Variants in FBXO44 observed in about 807,000 individuals in gnomAD.
FBXO44 encodes the protein F-box only protein 44.
FBXO44 carries 25 observed loss-of-function variants against 33.5 expected under a neutral mutation model. That is an observed-to-expected ratio of 0.75 (90% CI 0.54 to 1.04). FBXO44 has a LOEUF of 1.04. Ranked by LOEUF, FBXO44 falls within the 50% of genes least tolerant of loss-of-function variation. The pLI, the probability that FBXO44 is intolerant of heterozygous loss-of-function variation, is 0.00. For synonymous variants in FBXO44, 147 were observed against 152.8 expected, an observed-to-expected ratio of 0.96 and a Z score of 0.28; for missense variants, 311 against 344.0, an observed-to-expected ratio of 0.90 and a Z score of 0.76.
Position 11,658,828 on chromosome 1 carries a change from A to G in FBXO44, c.581A>G (p.Asp194Gly). The G allele has an allele frequency of 1.2e-6, 2 of 1,612,456 alleles. No individual in the cohort carries two copies. The highest frequency in any genetic ancestry group is 1.7e-6 in the Non-Finnish European group (2 of 1,179,986). ...AHAPLGTFQP[D>G]PATIQQKSDA... ...GCGCCTCTGGGGACCTTCCAGCCAG[A>G]CCCGGCGACCATCCAGCAGAAGAGC... The change falls in exon 5 of 6, where the codon GAC (aspartate) becomes GGC (glycine). Residue 194 changes from aspartate (D) to glycine (G), a missense_variant. Transcript: ENST00000251547.
rs1480718296 is a variant in FBXO44, at chr1:11,656,066, G to C, written c.231G>C (p.Leu77=). 2 of 1,614,038 alleles carry C rather than the reference G, an allele frequency of 1.2e-6. No individual in the cohort carries two copies. Among genetic ancestry groups the C allele is most frequent in the African/African-American group, 2.7e-5 (2 of 74,932 alleles). ...DWKIFYFLRS[L]HRNLLHNPCA... is the part of the protein sequence containing the mutation. ...AGATCTTCTACTTCTTACGGAGCCT[G>C]CACAGGAACCTCCTGCACAACCCGT... The change falls in exon 2 of 6, where the codon CTG becomes CTC. Residue 77 remains leucine (L), a synonymous_variant. Coordinates refer to ENST00000251547, the MANE Select transcript of FBXO44 (RefSeq NM_033182.7).
Position 11,661,032 on chromosome 1 carries a change from C to A in FBXO44, c.625-98C>A. The A allele has an allele frequency of 7.6e-7, 1 of 1,322,640 alleles. No individual in the cohort carries two copies. The highest frequency in any genetic ancestry group is 1.0e-6 in the Non-Finnish European group (1 of 956,156). The allele number at this position is 1,322,640 out of a possible 1,614,324, so 81.9% of individuals were successfully genotyped here. On this transcript the variant is annotated intron_variant, in intron 5 of 5. Transcript: ENST00000251547. This position sits in a 1 kb window ranked among gnomAD's most constrained non-coding sequence, Gnocchi z 4.4. ...TCCTGGGCTCAAACAACCCTCCCAC[C>A]TCAGCCTCCCAAAGTACTGGGATTC... is the stretch of plus-strand genomic sequence containing the variant.
intron 5 of FBXO44, among the ~76,000 whole-genome samples, chr1:11,660,729 C>T (rs777036324): frequency 1.3e-5 from 2 of 152,192 alleles, no homozygotes; most frequent in Non-Finnish European, 2.9e-5. Flanking sequence ...CCCTGCCCCC[C>T]TCAGGCAGTG....
Position 11,658,285 on chromosome 1 carries a change from G to C in FBXO44, c.284G>C (p.Ser95Thr). Residue 95 changes from serine (S) to threonine (T), a missense_variant, in exon 3 of 6, where the codon AGC (serine) becomes ACC (threonine). Transcript: ENST00000251547. ...PCAEEGFEFW[S>T]LDVNGGDEWK... is the part of the protein sequence containing the mutation. Reference sequence around the variant, plus strand: ...CCATCAGAGGGGTTCGAGTTCTGGAGCCTGGATGTGAATGGAGGCGATGAG... The same window carrying C: ...CCATCAGAGGGGTTCGAGTTCTGGACCCTGGATGTGAATGGAGGCGATGAG... The C allele has an allele frequency of 6.2e-7, 1 of 1,613,870 alleles. No homozygotes were observed. Among genetic ancestry groups the C allele is most frequent in the South Asian group, 1.1e-5 (1 of 91,064 alleles).
rs201695980 is a variant in FBXO44 at position 11,661,157 on chromosome 1, C to G, written c.652C>G (p.Pro218Ala). 151 of 1,613,572 alleles carry G rather than the reference C, an allele frequency of 9.4e-5. No homozygotes were observed. Among genetic ancestry groups the G allele is most frequent in the Non-Finnish European group, 1.2e-4 (137 of 1,179,666 alleles). ...CTCCCACACATTCTCCAACTACCCGCCCGGCGTCCGCTACATCTGGTTTCA... is the reference window on the plus strand; with the variant it reads ...CTCCCACACATTCTCCAACTACCCGGCCGGCGTCCGCTACATCTGGTTTCA... ...EVSHTFSNYP[P>A]GVRYIWFQHG... The change falls in exon 6 of 6, where the codon CCC (proline) becomes GCC (alanine). Residue 218 changes from proline (P) to alanine (A), a missense_variant. Physicochemically the swap from Pro to Ala is conservative, Grantham distance 27. Transcript: ENST00000251547. This position sits in a 1 kb window ranked among gnomAD's most constrained non-coding sequence, Gnocchi z 4.4.
At chr1:11,658,129 G>A in intron 2 of FBXO44, 138 bp from the exon 3 acceptor site, 2 of 1,421,586 alleles carry the variant, frequency 1.4e-6, no homozygotes, top group Non-Finnish European at 1.9e-6. Context: ...GGTGGGCACT[G>A]TGATCTGCAG....
rs111261340 is a variant in FBXO44 at position 11,658,876 on chromosome 1, G to T, written c.624+5G>T. The T allele has an allele frequency of 2.5e-5, 40 of 1,604,740 alleles. No individual in the cohort carries two copies. The highest frequency in any genetic ancestry group is 3.4e-5 in the Non-Finnish European group (40 of 1,179,922). On this transcript the variant is annotated splice_donor_5th_base_variant and intron_variant, in intron 5 of 5. Coordinates refer to ENST00000251547, the MANE Select transcript of FBXO44 (RefSeq NM_033182.7). ...AGCGATGCCAAGTGGAGGGAGGTGCGTGGGCCTGGGGGACGGGGGCAGAGG... is the reference window on the plus strand; with the variant it reads ...AGCGATGCCAAGTGGAGGGAGGTGCTTGGGCCTGGGGGACGGGGGCAGAGG...
In FBXO44 at chr1:11,661,675, G is replaced by A. The variant is rs928832839; in HGVS notation, c.*402G>A. 3.9e-5 allele frequency: 8 copies of A among 204,768 alleles called. No homozygotes were observed. The highest frequency in any genetic ancestry group is 1.8e-4 in the African/African-American group (8 of 43,686). The allele number at this position is 204,768 out of a possible 1,614,324, so 12.7% of individuals were successfully genotyped here. ...GGAGCAGGGACAGGCAAGACAACTG[G>A]CAAGCTTGCAGCTGCCCTGATGGTG... On this transcript the variant is annotated 3_prime_UTR_variant, in exon 6 of 6. Coordinates refer to ENST00000251547, the MANE Select transcript of FBXO44 (RefSeq NM_033182.7). The surrounding 1 kb of genome is among the most constrained non-coding windows in gnomAD (Gnocchi z 4.4).
In FBXO44 at chr1:11,661,081, C is replaced by T. The variant is rs368263946; in HGVS notation, c.625-49C>T. On this transcript the variant is annotated intron_variant, in intron 5 of 5. Coordinates refer to ENST00000251547, the MANE Select transcript of FBXO44 (RefSeq NM_033182.7). The surrounding 1 kb of genome is among the most constrained non-coding windows in gnomAD (Gnocchi z 4.4). ...TCCCGGTGTGAGCCGCCACACCCAGCCTGAGTCAGCTCCCTTGACCTTTCT... is the reference window on the plus strand; with the variant it reads ...TCCCGGTGTGAGCCGCCACACCCAGTCTGAGTCAGCTCCCTTGACCTTTCT... 2 of 1,561,408 alleles carry T rather than the reference C, an allele frequency of 1.3e-6. No homozygotes were observed. The highest frequency in any genetic ancestry group is 8.7e-7 in the Non-Finnish European group (1 of 1,143,360).
chr1:11,654,816 C>G (rs1639647648), upstream of FBXO44: 1 of 116,618 alleles, frequency 8.6e-6, no homozygotes, highest in African/African-American at 3.1e-5. Flanking sequence ...CCTGGCCCAG[C>G]GCTGCGCGGG....
At position 11,656,093 on chromosome 1, in the gene FBXO44, C is replaced by A; in HGVS notation, c.258C>A (p.Cys86Ter). The change falls in exon 2 of 6, where the codon TGC becomes TGA. Residue 86 changes from cysteine to a stop codon, truncating the protein, a stop_gained. Coordinates refer to ENST00000251547, the MANE Select transcript of FBXO44 (RefSeq NM_033182.7). LOFTEE classifies it high-confidence loss of function. Reference protein sequence around the residue: ...SLHRNLLHNPCAEEGFEFWSL... With the variant: ...SLHRNLLHNP ...ACAGGAACCTCCTGCACAACCCGTG[C>A]GCTGAAGGTGGGGTACAGGCCGGGT... 1 of 1,613,524 alleles carries A rather than the reference C, an allele frequency of 6.2e-7. No individual in the cohort carries two copies.
In FBXO44 at chr1:11,659,992, G is replaced by A. The variant is rs528962268; in HGVS notation, c.624+1121G>A. Among the ~76,000 whole-genome samples, 26 of 152,314 alleles carry A rather than the reference G, an allele frequency of 1.7e-4. No individual in the cohort carries two copies. In the East Asian group the frequency reaches 4.2e-3, roughly 25 times the overall value. ...ACAGGCAGTGGGCCTGCAGGCCATCGTTTGCCAACCCCAGCCCTGTCCAAT... is the reference window on the plus strand; with the variant it reads ...ACAGGCAGTGGGCCTGCAGGCCATCATTTGCCAACCCCAGCCCTGTCCAAT... On this transcript the variant is annotated intron_variant, in intron 5 of 5. Coordinates refer to ENST00000251547, the MANE Select transcript of FBXO44 (RefSeq NM_033182.7).
At chr1:11,659,891 G>A (rs1640073695) in intron 5 of FBXO44, among the ~76,000 whole-genome samples, 1 of 152,366 alleles carries the variant, frequency 6.6e-6, no homozygotes, top group East Asian at 1.9e-4. Flanking sequence ...CAACTCTGCT[G>A]TTGTGTGAAA....
chr1:11,656,009 T>C lies in FBXO44; in HGVS notation c.174T>C (p.Thr58=), dbSNP rs145432128. The C allele has an allele frequency of 0.026, 41,474 of 1,613,976 alleles. 596 individuals are homozygous for C. The highest frequency in any genetic ancestry group is 0.03 in the Non-Finnish European group (35,083 of 1,179,886). ...KRKCLREGFI[T]EDWDQPVADW... is the part of the protein sequence containing the mutation. ...AGTGCCTGCGAGAGGGCTTCATCACTGAGGACTGGGACCAGCCCGTGGCCG... is the reference window on the plus strand; with the variant it reads ...AGTGCCTGCGAGAGGGCTTCATCACCGAGGACTGGGACCAGCCCGTGGCCG... The change falls in exon 2 of 6, where the codon ACT becomes ACC. Residue 58 remains threonine, a synonymous_variant. Transcript: ENST00000251547.
chr1:11,654,447 C>T (rs1484779122), upstream of FBXO44: 4 of 1,200,080 alleles, frequency 3.3e-6, no homozygotes, highest in Non-Finnish European at 4.3e-6. Flanking sequence ...TCCCGGCGAC[C>T]GCGCCTCTTA....
rs60133415 is a variant in FBXO44, at chr1:11,662,954, C to CTTTTTTTTTTTTTTTTTT, written c.*1684_*1701dup. On this transcript the variant is annotated 3_prime_UTR_variant, in exon 6 of 6. Coordinates refer to ENST00000251547, the MANE Select transcript of FBXO44 (RefSeq NM_033182.7). ...GTAAGTTCCTTTTTTCTTTTCTTTTCTTTTTTTTTTTTTTTTTTTTGAGAT... is the reference window on the plus strand; with the variant it reads ...GTAAGTTCCTTTTTTCTTTTCTTTTCTTTTTTTTTTTTTTTTTTTTTTTTTTTTTTTTTTTTTTGAGAT... 3 of 126,602 alleles carry CTTTTTTTTTTTTTTTTTT rather than the reference C, an allele frequency of 2.4e-5. No homozygotes were observed. The highest frequency in any genetic ancestry group is 3.3e-5 in the African/African-American group (1 of 30,720). The allele number at this position is 126,602 out of a possible 1,614,324, so 7.8% of individuals were successfully genotyped here.
rs773491806 is a variant in FBXO44, at chr1:11,655,681, G to T, written c.-30-125G>T. ...TGATGTGTCCCAAGCTCCTTGGACCGCCCCAGTGACCCCTGGAGGTAAGGC... is the reference window on the plus strand; with the variant it reads ...TGATGTGTCCCAAGCTCCTTGGACCTCCCCAGTGACCCCTGGAGGTAAGGC... On this transcript the variant is annotated intron_variant, in intron 1 of 5. Coordinates refer to ENST00000251547, the MANE Select transcript of FBXO44 (RefSeq NM_033182.7). 1.0e-5 allele frequency: 10 copies of T among 985,736 alleles called. 1 individual carries two copies. The Admixed American group carries it at 1.9e-4, about 19-fold the overall frequency. 61.1% of individuals were successfully genotyped at this position (985,736 alleles called of 1,614,324 possible).
rs974192497 is a variant in FBXO44 at position 11,661,491 on chromosome 1, G to T, written c.*218G>T. 6.7e-6 allele frequency: 4 copies of T among 600,762 alleles called. No individual in the cohort carries two copies. Among genetic ancestry groups the T allele is most frequent in the Non-Finnish European group, 1.1e-5 (4 of 360,822 alleles). 37.2% of individuals were successfully genotyped at this position (600,762 alleles called of 1,614,324 possible). On this transcript the variant is annotated 3_prime_UTR_variant, in exon 6 of 6. Transcript: ENST00000251547. This position sits in a 1 kb window ranked among gnomAD's most constrained non-coding sequence, Gnocchi z 4.4. Reference sequence around the variant, plus strand: ...AAGGTCTTGACCTGAATGATGGCCGGGGAAGCCTGCGTGTGCCCCTTTCAG... The same window carrying T: ...AAGGTCTTGACCTGAATGATGGCCGTGGAAGCCTGCGTGTGCCCCTTTCAG...
chr1:11,659,480 ATATT>A (rs931246077), intron 5 of FBXO44, among the ~76,000 whole-genome samples: 5 of 152,152 alleles, frequency 3.3e-5, no homozygotes, highest in African/African-American at 1.2e-4. Context: ...GGGTCAGCAA[ATATT>A]TGTTTGTTTG....
Sources: allele counts gnomAD v4.1 joint callset (sites outside exome capture counted in the v4.1 genomes callset), GRCh38; gene constraint gnomAD v4.1.1; non-coding constraint Gnocchi (gnomAD v3.1); transcripts MANE v1.5; gene names NCBI Gene and HGNC (gene_info 2026-07-23, HGNC 2026-07-21).